FGF14: variants seen among roughly 807,000 people sequenced by gnomAD.
FGF14 encodes fibroblast growth factor 14.
In FGF14, 5 loss-of-function variants were observed where a neutral mutation model predicts 25.5. The observed-to-expected ratio is 0.20, with a 90% CI of 0.10 to 0.41. The LOEUF (loss-of-function observed/expected upper bound fraction) is 0.41. Ranked by LOEUF, FGF14 falls within the 10% of genes least tolerant of loss-of-function variation. The pLI, the probability that FGF14 is intolerant of heterozygous loss-of-function variation, is 1.00. For synonymous variants in FGF14, 138 were observed against 118.3 expected (o/e 1.17, Z -1.08); for missense variants, 222 against 320.1 (o/e 0.69, Z 2.34).
chr13:102,374,272 CAATTT>C (rs1198981845), intron 1 of FGF14, among the ~76,000 whole-genome samples: 2 of 151,978 alleles, frequency 1.3e-5, no homozygotes, highest in Admixed American at 6.6e-5. Flanking sequence ...TTAAAATAAA[CAATTT>C]AATCAATTCA....
intron 1 of FGF14, among the ~76,000 whole-genome samples, chr13:102,212,343 C>G (rs998807478): frequency 1.3e-5 from 2 of 152,156 alleles, no homozygotes; most frequent in Non-Finnish European, 2.9e-5. Flanking sequence ...TCATCGAACA[C>G]AGTAAAGTCT....
intron 1 of FGF14, among the ~76,000 whole-genome samples, chr13:101,934,451 G>C (rs903455994): frequency 6.6e-6 from 1 of 152,148 alleles, no homozygotes; most frequent in Admixed American, 6.5e-5. Context: ...GTGGGAGATT[G>C]ACTGGAAAGC....
At chr13:102,034,769 A>G (rs778950157) in intron 1 of FGF14, among the ~76,000 whole-genome samples, 23 of 152,126 alleles carry the variant, frequency 1.5e-4, no homozygotes, top group Non-Finnish European at 2.1e-4. Context: ...GCATTAGATG[A>G]TGGCTATGCC....
rs531957326 is a variant in FGF14 at position 102,294,191 on chromosome 13, A to G, written c.208+107280T>C. Among the ~76,000 whole-genome samples, 253 of 152,354 alleles carry G rather than the reference A, an allele frequency of 1.7e-3. 1 individual carries two copies. The highest frequency in any genetic ancestry group is 5.7e-3 in the African/African-American group (238 of 41,580). ...CATAAATCTATGAATGATCTGCTAC[A>G]ACTAAAGTACTCAAGTCAATGGGAA... On this transcript the variant is annotated intron_variant, in intron 1 of 4. Coordinates refer to the FGF14 transcript ENST00000376131.
chr13:101,788,961 G>GAC (rs2040069829), intron 3 of FGF14, among the ~76,000 whole-genome samples: 2 of 35,198 alleles, frequency 5.7e-5, no homozygotes, highest in Non-Finnish European at 1.4e-4. Flanking sequence ...GAGAGAGAGA[G>GAC]AGAGAGAGAC....
At chr13:101,764,079 C>A (rs1235965449) in intron 3 of FGF14, among the ~76,000 whole-genome samples, 1 of 152,216 alleles carries the variant, frequency 6.6e-6, no homozygotes, top group South Asian at 2.1e-4. Context: ...GAAGTCTGTC[C>A]CCTGGGGCAC....
chr13:102,264,101 G>A (rs946321009), intron 1 of FGF14, among the ~76,000 whole-genome samples: 8 of 151,410 alleles, frequency 5.3e-5, no homozygotes, highest in African/African-American at 1.9e-4. Flanking sequence ...ATAAATTCGG[G>A]GAACCAATTT....
intron 1 of FGF14, among the ~76,000 whole-genome samples, chr13:101,965,024 T>C (rs1330435725): frequency 6.6e-6 from 1 of 152,084 alleles, no homozygotes; most frequent in African/African-American, 2.4e-5. Flanking sequence ...GGCAAACCAC[T>C]TGAGGTCAGG....
rs959951141 is a variant in FGF14 at position 101,716,407 on chromosome 13, A to G, written c.*6424T>C. ...TTAAAGAAATTATGAAAAATGTACA[A>G]TTTAACATTTTAAATAAATAGTGAC... On this transcript the variant is annotated 3_prime_UTR_variant, in exon 5 of 5. Transcript: ENST00000376143. 4.6e-5 allele frequency: 7 copies of G among 152,170 alleles called. No individual in the cohort carries two copies. Among genetic ancestry groups the G allele is most frequent in the Admixed American group, 2.6e-4 (4 of 15,270 alleles). 9.4% of individuals were successfully genotyped at this position (152,170 alleles called of 1,614,324 possible). A position where few individuals can be genotyped will look rare whatever the true frequency, so the allele number is the denominator to read the frequency against.
chr13:101,728,684 C>A (rs1473833746), intron 3 of FGF14, among the ~76,000 whole-genome samples: 1 of 152,090 alleles, frequency 6.6e-6, no homozygotes, highest in Non-Finnish European at 1.5e-5. Context: ...GGCACCTAAG[C>A]ATATTGCTTA....
chr13:101,841,866 C>T (rs2140320389), intron 3 of FGF14, among the ~76,000 whole-genome samples: 1 of 152,002 alleles, frequency 6.6e-6, no homozygotes, highest in Non-Finnish European at 1.5e-5. Flanking sequence ...TTCCTCACCC[C>T]TCCCACCTTT....
At chr13:102,122,387 T>C (rs1233044017) in intron 1 of FGF14, among the ~76,000 whole-genome samples, 2 of 152,206 alleles carry the variant, frequency 1.3e-5, no homozygotes, top group African/African-American at 2.4e-5. Flanking sequence ...GCAGATATCT[T>C]GACCTTTCAT....
At chr13:101,846,543 G>T (rs2043470738) in intron 3 of FGF14, among the ~76,000 whole-genome samples, 1 of 151,888 alleles carries the variant, frequency 6.6e-6, no homozygotes, top group Admixed American at 6.6e-5. Context: ...TAATCTCCTT[G>T]ATTTCTTCAG....
intron 3 of FGF14, 34 bp downstream of exon 3, chr13:101,868,691 A>G: frequency 7.7e-7 from 1 of 1,290,632 alleles, no homozygotes; most frequent in South Asian, 1.2e-5. Flanking sequence ...ACATGCATTG[A>G]ACGAATGGCC....
intron 1 of FGF14, among the ~76,000 whole-genome samples, chr13:102,380,838 A>C (rs2058166772): frequency 6.6e-6 from 1 of 152,176 alleles, no homozygotes; most frequent in South Asian, 2.1e-4. Context: ...AAATAAACAC[A>C]GATAAAGAGT....
intron 1 of FGF14, among the ~76,000 whole-genome samples, chr13:102,399,920 G>A (rs969531820): frequency 1.3e-5 from 2 of 152,118 alleles, no homozygotes; most frequent in Non-Finnish European, 2.9e-5. Flanking sequence ...AGTACCAGCT[G>A]GGGGCAATCT....
At chr13:102,303,083 G>C (rs931981179) in intron 1 of FGF14, among the ~76,000 whole-genome samples, 1 of 152,078 alleles carries the variant, frequency 6.6e-6, no homozygotes, top group Non-Finnish European at 1.5e-5. Context: ...GACTCACTCT[G>C]CTCCACCCAA....
chr13:102,056,961 T>A (rs1445446388), intron 1 of FGF14, among the ~76,000 whole-genome samples: 1 of 151,560 alleles, frequency 6.6e-6, no homozygotes, highest in African/African-American at 2.4e-5. Context: ...ACTTTTAAAA[T>A]TTGCTTTGAC....
At chr13:102,229,894 G>C (rs1238635818) in intron 1 of FGF14, among the ~76,000 whole-genome samples, 2 of 152,178 alleles carry the variant, frequency 1.3e-5, no homozygotes, top group Non-Finnish European at 2.9e-5. Flanking sequence ...GCTGTGGAAG[G>C]CTTCCTCAAA....
Sources: allele counts gnomAD v4.1 joint callset (sites outside exome capture counted in the v4.1 genomes callset), GRCh38; gene constraint gnomAD v4.1.1; transcripts MANE v1.5; gene names NCBI Gene and HGNC (gene_info 2026-07-23, HGNC 2026-07-21).